AGMO: variants seen among roughly 807,000 people sequenced by gnomAD.
AGMO encodes the protein alkylglycerol monooxygenase, also known as glyceryl-ether monooxygenase.
AGMO carries 75 observed loss-of-function variants against 60.2 expected under a neutral mutation model. The observed-to-expected ratio is 1.25, with a 90% CI of 1.03 to 1.51. The LOEUF is 1.51. AGMO is among the 40% of genes most tolerant of loss of function. The pLI is 0.00. For synonymous variants in AGMO, 261 were observed against 177.1 expected, an observed-to-expected ratio of 1.47 and a Z score of -3.76; for missense variants, 763 against 525.5, an observed-to-expected ratio of 1.45 and a Z score of -4.42.
At chr7:15,350,948 G>GT (rs1433982372) in intron 12 of AGMO, among the ~76,000 whole-genome samples, 6 of 152,078 alleles carry the variant, frequency 3.9e-5, no homozygotes, top group Non-Finnish European at 7.4e-5. Flanking sequence ...CTTGTTGTTG[G>GT]TATGTGTTAC....
rs1181410197 is a variant in AGMO, at chr7:15,216,833, AGTGTGTGT to A, written c.1264-15482_1264-15475del. Among the ~76,000 whole-genome samples, 100 of 147,114 alleles carry A rather than the reference AGTGTGTGT, an allele frequency of 6.8e-4. 1 individual carries two copies. The highest frequency in any genetic ancestry group is 7.0e-3 in the Middle Eastern group (2 of 286). ...GTGCAAGAAACAAAGTGAAAGAAAA[AGTGTGTGT>A]GTGTGTGTGTGTGTGTGTGTGTGTA... On this transcript the variant is annotated intron_variant, in intron 12 of 12. Coordinates refer to ENST00000342526, the MANE Select transcript of AGMO (RefSeq NM_001004320.2).
the AGMO span, among the ~76,000 whole-genome samples, chr7:15,178,029 C>CCACT: frequency 3.3e-5 from 5 of 152,030 alleles, no homozygotes; most frequent in Non-Finnish European, 7.4e-5. Context: ...TTTATGTACT[C>CCACT]CACTCTTCTT....
At chr7:15,271,967 T>C (rs62450277) in intron 12 of AGMO, among the ~76,000 whole-genome samples, 26,243 of 152,156 alleles carry the variant, frequency 0.17, 2,519 homozygotes, top group South Asian at 0.33. Flanking sequence ...GTGGGTCACA[T>C]TTATTGATTT....
At chr7:15,165,302 G>A in the AGMO span, among the ~76,000 whole-genome samples, 3 of 152,094 alleles carry the variant, frequency 2.0e-5, no homozygotes, top group East Asian at 5.8e-4. Context: ...TCAGGTGATG[G>A]GTACACTAGA....
chr7:15,397,429 G>C (rs978239128), intron 5 of AGMO, among the ~76,000 whole-genome samples: 1 of 152,008 alleles, frequency 6.6e-6, no homozygotes, highest in Non-Finnish European at 1.5e-5. Flanking sequence ...CTCCGGCCTC[G>C]GCCAGCCCCA....
At chr7:15,181,453 C>T in the AGMO span, among the ~76,000 whole-genome samples, 1 of 152,156 alleles carries the variant, frequency 6.6e-6, no homozygotes, top group East Asian at 1.9e-4. Flanking sequence ...TCAGTCACTA[C>T]CCATATATGA....
chr7:15,251,761 T>A (rs1276836511), intron 12 of AGMO, among the ~76,000 whole-genome samples: 2 of 152,124 alleles, frequency 1.3e-5, no homozygotes, highest in African/African-American at 4.8e-5. Context: ...AGTAGCAAAG[T>A]GAGGCACGGG....
chr7:15,157,278 C>A, the AGMO span, among the ~76,000 whole-genome samples: 49 of 152,200 alleles, frequency 3.2e-4, no homozygotes, highest in African/African-American at 1.1e-3. Context: ...GGGTAAGATA[C>A]CTTCCCAGAT....
At chr7:15,337,437 C>G (rs1176409597) in intron 12 of AGMO, among the ~76,000 whole-genome samples, 1 of 152,092 alleles carries the variant, frequency 6.6e-6, no homozygotes, top group African/African-American at 2.4e-5. Flanking sequence ...GTCTGGTAGC[C>G]TTGCACAACT....
intron 12 of AGMO, among the ~76,000 whole-genome samples, chr7:15,294,962 A>G (rs1784370659): frequency 6.6e-6 from 1 of 151,774 alleles, no homozygotes; most frequent in Admixed American, 6.6e-5. Context: ...AAATAAAATA[A>G]TAATTAAAAA....
At chr7:15,499,904 T>TATGC (rs1554279768) in intron 3 of AGMO, among the ~76,000 whole-genome samples, 1 of 71,500 alleles carries the variant, frequency 1.4e-5, no homozygotes, top group African/African-American at 4.4e-5. Context: ...TTATATGTAT[T>TATGC]ACGCACACAC....
At chr7:15,183,020 A>T in the AGMO span, among the ~76,000 whole-genome samples, 4 of 152,048 alleles carry the variant, frequency 2.6e-5, no homozygotes, top group African/African-American at 9.7e-5. Context: ...CCCATGATTC[A>T]ATCACCTCCC....
At chr7:15,255,410 A>G (rs1385799884) in intron 12 of AGMO, among the ~76,000 whole-genome samples, 1 of 151,896 alleles carries the variant, frequency 6.6e-6, no homozygotes, top group East Asian at 1.9e-4. Flanking sequence ...ATTGTACAAA[A>G]CATTTAAAGA....
chr7:15,191,406 G>A, the AGMO span, among the ~76,000 whole-genome samples: 1 of 152,096 alleles, frequency 6.6e-6, no homozygotes, highest in South Asian at 2.1e-4. Flanking sequence ...GTATCTCTGA[G>A]GTCTGGATTA....
At chr7:15,396,580 C>T (rs1403001600) in intron 5 of AGMO, 3 of 152,272 alleles carry the variant, frequency 2.0e-5, no homozygotes, top group African/African-American at 7.2e-5. Flanking sequence ...CTTGCCGCTC[C>T]TTGCTTGGAT....
At chr7:15,198,639 T>C (rs1781197708), downstream of AGMO, among the ~76,000 whole-genome samples, 1 of 152,140 alleles carries the variant, frequency 6.6e-6, no homozygotes, top group Admixed American at 6.5e-5. Context: ...ACTGGGTTTT[T>C]TAAGGATAAT....
chr7:15,190,203 A>AGGAAC, the AGMO span, among the ~76,000 whole-genome samples: 1 of 1,878 alleles, frequency 5.3e-4, no homozygotes, highest in African/African-American at 1.7e-3. Flanking sequence ...ATATATATTT[A>AGGAAC]TATATATATA....
rs188796570 is a variant in AGMO at position 15,356,915 on chromosome 7, C to G, written c.1263+8599G>C. Among the ~76,000 whole-genome samples, 483 of 146,274 alleles carry G rather than the reference C, an allele frequency of 3.3e-3. 1 individual carries two copies. Among genetic ancestry groups the G allele is most frequent in the African/African-American group, 0.011 (443 of 39,382 alleles). Reference sequence around the variant, plus strand: ...CTGAAGTCAGGTGTTCGAGACCAGCCTGGCCAACATGGCGAAATCCCCTCT... The same window carrying G: ...CTGAAGTCAGGTGTTCGAGACCAGCGTGGCCAACATGGCGAAATCCCCTCT... On this transcript the variant is annotated intron_variant, in intron 12 of 12. Transcript: ENST00000342526.
At chr7:15,283,595 T>C (rs922576481) in intron 12 of AGMO, among the ~76,000 whole-genome samples, 1 of 151,996 alleles carries the variant, frequency 6.6e-6, no homozygotes, top group Non-Finnish European at 1.5e-5. Context: ...CAAATACTAC[T>C]AGACCTAAAA....
Sources: gnomAD v4.1 joint callset for allele counts (sites outside exome capture counted in the v4.1 genomes callset) on GRCh38, gnomAD v4.1.1 for gene constraint, MANE v1.5 for transcripts, NCBI Gene and HGNC (gene_info 2026-07-23, HGNC 2026-07-21) for gene names.